GABBR2: variants seen among roughly 807,000 people sequenced by gnomAD.
The protein encoded by GABBR2 is gamma-aminobutyric acid type B receptor subunit 2, also known as G-protein coupled receptor 51.
GABBR2 carries 23 observed loss-of-function variants against 105.6 expected under a neutral mutation model. The ratio of observed to expected loss-of-function variants is 0.22; its 90% confidence interval spans 0.16 to 0.31. GABBR2 has a LOEUF of 0.31. Ranked by LOEUF, GABBR2 falls within the 10% of genes least tolerant of loss-of-function variation. The probability of loss-of-function intolerance (pLI) is 1.00; values close to 1 mark genes in which losing one functional copy is unlikely to be tolerated. For missense variants in GABBR2, 734 were observed against 1,245.5 expected (o/e 0.59, Z 6.18); for synonymous variants, 478 against 499.7 (o/e 0.96, Z 0.58).
Position 98,546,327 on chromosome 9 carries a change from T to C in GABBR2, c.460-4284A>G, listed in dbSNP as rs573608326. The stretch of plus-strand genomic sequence containing the variant: ...AAAGGCTGAGAAGTTTGTTAAACTT[T>C]TTTCTATTGTCTCTGACCATTTCTT... On this transcript the variant is annotated intron_variant, in intron 2 of 18. Transcript: ENST00000259455. Among the ~76,000 whole-genome samples, 3 of 152,378 alleles carry C rather than the reference T, an allele frequency of 2.0e-5. No homozygotes were observed. In the South Asian group the frequency reaches 6.2e-4, roughly 32 times the overall value.
Position 98,421,963 on chromosome 9 carries a change from A to C in GABBR2, c.1237-15822T>G, listed in dbSNP as rs567901024. Among the ~76,000 whole-genome samples, 3 of 152,330 alleles carry C rather than the reference A, an allele frequency of 2.0e-5. No homozygotes were observed. The South Asian group carries it at 6.2e-4, about 32-fold the overall frequency. ...CCAAAGCACAAACCGTTAGCCCAAA[A>C]ACTGATTAATTTGATTATATCAAAA... On this transcript the variant is annotated intron_variant, in intron 7 of 18. Transcript: ENST00000259455.
chr9:98,424,144 G>T (rs1402317937), intron 7 of GABBR2, among the ~76,000 whole-genome samples: 5 of 152,078 alleles, frequency 3.3e-5, no homozygotes, highest in African/African-American at 1.2e-4. Context: ...GATCAAGTGG[G>T]CTTCATCCCT....
At chr9:98,295,084 T>C (rs1433558627) in intron 17 of GABBR2, among the ~76,000 whole-genome samples, 3 of 152,236 alleles carry the variant, frequency 2.0e-5, no homozygotes, top group Admixed American at 2.0e-4. Context: ...TTGATCCTCA[T>C]TATTCATGAA....
intron 3 of GABBR2, among the ~76,000 whole-genome samples, chr9:98,514,054 C>T (rs924743479): frequency 4.7e-5 from 7 of 150,254 alleles, no homozygotes; most frequent in Admixed American, 4.0e-4. Context: ...CACATATACA[C>T]CATGGAATAC....
Position 98,480,874 on chromosome 9 carries a change from T to C in GABBR2, c.798+58A>G, listed in dbSNP as rs1554710195. 7 of 961,386 alleles carry C rather than the reference T, an allele frequency of 7.3e-6. No homozygotes were observed. In the South Asian group the frequency reaches 7.7e-5, roughly 11 times the overall value. The allele number at this position is 961,386 out of a possible 1,614,324, so 59.6% of individuals were successfully genotyped here. A position where few individuals can be genotyped will look rare whatever the true frequency, so the allele number is the denominator to read the frequency against. On this transcript the variant is annotated intron_variant, in intron 5 of 18. Transcript: ENST00000259455. ...AGACTGAGCAGGGAGATAATGAGTA[T>C]GGGAAAAAGCTTCGTGAACCTCCCC... is the stretch of plus-strand genomic sequence containing the variant.
At chr9:98,591,912 G>T (rs183394997) in intron 1 of GABBR2, among the ~76,000 whole-genome samples, 105 of 152,326 alleles carry the variant, frequency 6.9e-4, no homozygotes, top group Admixed American at 8.5e-4. Flanking sequence ...TTGTCATTCA[G>T]CAGAGTTTGC....
intron 13 of GABBR2, among the ~76,000 whole-genome samples, chr9:98,329,871 C>CA (rs1186746678): frequency 6.6e-6 from 1 of 151,996 alleles, no homozygotes; most frequent in Non-Finnish European, 1.5e-5. Context: ...TCTTCTCTCT[C>CA]TCTCTCTCTC....
At position 98,708,528 on chromosome 9, in the gene GABBR2, C is replaced by T. The variant is rs1178399360; in HGVS notation, c.210G>A (p.Lys70=). 6.3e-7 allele frequency: 1 copy of T among 1,597,916 alleles called. No homozygotes were observed. Among genetic ancestry groups the T allele is most frequent in the Admixed American group, 1.7e-5 (1 of 59,388 alleles). The change falls in exon 1 of 19, where the codon AAG becomes AAA. Residue 70 remains lysine (K), a synonymous_variant. Coordinates refer to ENST00000259455, the MANE Select transcript of GABBR2 (RefSeq NM_005458.8). ...GGAGCACACCGCGCCCGATGCTGCC[C>T]TTGGCCACCTCCTTGGTGAGCGGCA... ...GLMPLTKEVA[K]GSIGRGVLPA...
chr9:98,393,095 C>A (rs546049489), intron 9 of GABBR2, among the ~76,000 whole-genome samples: 1 of 150,628 alleles, frequency 6.6e-6, no homozygotes, highest in Admixed American at 6.6e-5. Flanking sequence ...TCCACCCAAC[C>A]ATCCATCCAT....
At chr9:98,316,576 A>T (rs1353694285) in intron 13 of GABBR2, among the ~76,000 whole-genome samples, 1 of 152,242 alleles carries the variant, frequency 6.6e-6, no homozygotes, top group Non-Finnish European at 1.5e-5. Flanking sequence ...TGTTCTGGGC[A>T]TGCAGCAATA....
intron 13 of GABBR2, among the ~76,000 whole-genome samples, chr9:98,346,634 G>A (rs745414171): frequency 2.6e-5 from 4 of 152,032 alleles, no homozygotes; most frequent in African/African-American, 4.8e-5. Context: ...ATAGTTAACC[G>A]TATTCATCCT....
At chr9:98,639,522 A>G (rs1310758448) in intron 1 of GABBR2, among the ~76,000 whole-genome samples, 2 of 152,052 alleles carry the variant, frequency 1.3e-5, no homozygotes, top group Non-Finnish European at 2.9e-5. Context: ...CTTTTCTTAC[A>G]AATACAACTT....
At chr9:98,596,238 A>G (rs1225987000) in intron 1 of GABBR2, among the ~76,000 whole-genome samples, 1 of 152,240 alleles carries the variant, frequency 6.6e-6, no homozygotes, top group Non-Finnish European at 1.5e-5. Flanking sequence ...GTTATGGTGA[A>G]GGTCAGATGA....
chr9:98,447,539 G>GTA (rs1241122651), intron 7 of GABBR2, among the ~76,000 whole-genome samples: 1 of 11,620 alleles, frequency 8.6e-5, no homozygotes. Context: ...TAGTATGTAT[G>GTA]TGTGTGTGTG....
chr9:98,524,703 T>C (rs2779581), intron 3 of GABBR2, among the ~76,000 whole-genome samples: 7,036 of 152,274 alleles, frequency 0.046, 246 homozygotes, highest in South Asian at 0.12. Context: ...TCAGCTCTAC[T>C]GTCAAAAATA....
At position 98,518,173 on chromosome 9, in the gene GABBR2, T is replaced by C. The variant is rs115907643; in HGVS notation, c.631-21659A>G. On this transcript the variant is annotated intron_variant, in intron 3 of 18. Transcript: ENST00000259455. ...CCCCTCCCCTTGTCCTCCAGAGCAG[T>C]TGATGCTCGTGACTCCAGCCATTGC... Among the ~76,000 whole-genome samples, 1,430 of 152,300 alleles carry C rather than the reference T, an allele frequency of 9.4e-3. 24 individuals are homozygous for C. The highest frequency in any genetic ancestry group is 0.033 in the African/African-American group (1,361 of 41,564).
At chr9:98,485,799 C>A (rs1046382239) in intron 4 of GABBR2, among the ~76,000 whole-genome samples, 5 of 152,186 alleles carry the variant, frequency 3.3e-5, no homozygotes, top group African/African-American at 1.2e-4. Flanking sequence ...GGTACACCCG[C>A]CCGGCTGCAG....
chr9:98,415,176 C>T lies in GABBR2; in HGVS notation c.1237-9035G>A, dbSNP rs1400503205. On this transcript the variant is annotated intron_variant, in intron 7 of 18. Transcript: ENST00000259455. ...AGTAAAAACGTTAACACTGGTTGGT[C>T]CCGGGAGTGTGATTATCGCTTTTTA... Among the ~76,000 whole-genome samples the T allele has an allele frequency of 2.6e-5, 4 of 152,212 alleles. No homozygotes were observed. In the Middle Eastern group the frequency reaches 0.01, roughly 388 times the overall value.
chr9:98,621,866 T>C (rs1163299870), intron 1 of GABBR2, among the ~76,000 whole-genome samples: 2 of 152,220 alleles, frequency 1.3e-5, no homozygotes, highest in Non-Finnish European at 2.9e-5. Flanking sequence ...AGTGTATCTA[T>C]ACAATATATC....
Sources: allele counts gnomAD v4.1 joint callset (sites outside exome capture counted in the v4.1 genomes callset), GRCh38; gene constraint gnomAD v4.1.1; transcripts MANE v1.5; gene names NCBI Gene and HGNC (gene_info 2026-07-23, HGNC 2026-07-21).